SPTB: variants seen among roughly 807,000 people sequenced by gnomAD.
The protein encoded by SPTB is spectrin beta, erythrocytic.
Under a neutral mutation model 256.2 loss-of-function variants are expected in SPTB, and 45 were observed. That is an observed-to-expected ratio of 0.18 (90% CI 0.14 to 0.23). SPTB has a LOEUF of 0.23. Ranked by LOEUF, SPTB falls within the 10% of genes least tolerant of loss-of-function variation. The probability of loss-of-function intolerance (pLI) is 1.00; values close to 1 mark genes in which losing one functional copy is unlikely to be tolerated. For synonymous variants in SPTB, 1,231 were observed against 1,243.1 expected, an observed-to-expected ratio of 0.99 and a Z score of 0.21; for missense variants, 2,715 against 3,040.4, an observed-to-expected ratio of 0.89 and a Z score of 2.52.
Position 64,785,795 on chromosome 14 carries a change from G to T in SPTB, c.3718C>A (p.Leu1240Ile), listed in dbSNP as rs1445784766. The T allele has an allele frequency of 6.2e-7, 1 of 1,614,080 alleles. No homozygotes were observed. Among genetic ancestry groups the T allele is most frequent in the Non-Finnish European group, 8.5e-7 (1 of 1,180,016 alleles). ...TTCTCCTTGATCTTGTCTGAGTATA[G>T]GTTTCCCTCAGCTACCAGCTTGTTT... ...SGNKLVAEGN[L>I]YSDKIKEKVQ... The change falls in exon 17 of 36, where the codon CTA becomes ATA. Residue 1240 changes from leucine to isoleucine, a missense_variant. By Grantham distance (5) the Leu-to-Ile change is conservative. Coordinates refer to ENST00000644917, the MANE Select transcript of SPTB (RefSeq NM_001355436.2). This position sits in a 1 kb window ranked among gnomAD's most constrained non-coding sequence, Gnocchi z 4.4.
intron 33 of SPTB, 142 bp from the exon 34 acceptor site, chr14:64,750,296 G>T: frequency 4.7e-6 from 4 of 854,400 alleles, no homozygotes; most frequent in South Asian, 2.4e-5. Context: ...AAAATCATCT[G>T]CATGTAATTT....
intron 10 of SPTB, among the ~76,000 whole-genome samples, chr14:64,797,522 A>T (rs181105004): frequency 1.4e-5 from 2 of 140,640 alleles, no homozygotes; most frequent in Non-Finnish European, 3.0e-5. Context: ...GATGCAGGGC[A>T]TCTGAACAGG....
intron 1 of SPTB, among the ~76,000 whole-genome samples, chr14:64,857,299 C>T (rs982632930): frequency 1.3e-5 from 2 of 152,026 alleles, no homozygotes; most frequent in East Asian, 1.9e-4. Flanking sequence ...AAAACAATCC[C>T]GGGCCGGACA....
Position 64,778,115 on chromosome 14 carries a change from C to T in SPTB, c.4563+1042G>A. On this transcript the variant is annotated intron_variant, in intron 22 of 35. Transcript: ENST00000644917. This position sits in a 1 kb window ranked among gnomAD's most constrained non-coding sequence, Gnocchi z 5.2. ...AGGCTAGATTTCTATCATCTTCTAG[C>T]CCAGGTCCCTGCGTGTGGCTGCTGG... Among the ~76,000 whole-genome samples, 1 of 152,182 alleles carries T rather than the reference C, an allele frequency of 6.6e-6. No homozygotes were observed.
At chr14:64,860,760 G>A (rs190943371) in intron 1 of SPTB, among the ~76,000 whole-genome samples, 29 of 152,222 alleles carry the variant, frequency 1.9e-4, no homozygotes, top group Non-Finnish European at 1.5e-5. Flanking sequence ...ATGCTTTTAC[G>A]ATGTTGGTGG....
Position 64,769,499 on chromosome 14 carries a change from G to A in SPTB, c.5937+91C>T, listed in dbSNP as rs1594755702. On this transcript the variant is annotated intron_variant, in intron 28 of 35. Transcript: ENST00000644917. ...GCAAGACAAGCTCCTCAGAAAAGCTGCAGCTCTCATCTCCCTCCCAGGAGG... is the reference window on the plus strand; with the variant it reads ...GCAAGACAAGCTCCTCAGAAAAGCTACAGCTCTCATCTCCCTCCCAGGAGG... 2.0e-6 allele frequency: 3 copies of A among 1,530,758 alleles called. No homozygotes were observed. The East Asian group carries it at 7.0e-5, about 36-fold the overall frequency. 94.8% of individuals were successfully genotyped at this position (1,530,758 alleles called of 1,614,324 possible).
intron 27 of SPTB, 139 bp from the exon 28 acceptor site, chr14:64,769,867 G>T: frequency 8.6e-7 from 1 of 1,156,268 alleles, no homozygotes; most frequent in Non-Finnish European, 1.3e-6. Flanking sequence ...CCAGCCAGGG[G>T]GTCCTCCGCC....
intron 1 of SPTB, among the ~76,000 whole-genome samples, chr14:64,877,217 A>G (rs1882867109): frequency 6.6e-6 from 1 of 152,084 alleles, no homozygotes; most frequent in African/African-American, 2.4e-5. Context: ...TGAAACAATG[A>G]CCTGAAAATA....
chr14:64,800,909 G>T, intron 7 of SPTB, 41 bp from the exon 8 acceptor site: 2 of 1,522,024 alleles, frequency 1.3e-6, no homozygotes, highest in African/African-American at 1.4e-5. Context: ...CAAACTGGAA[G>T]TCGGGAAAGT....
At chr14:64,776,353 GTC>G (rs1485649095) in intron 22 of SPTB, among the ~76,000 whole-genome samples, 1 of 152,132 alleles carries the variant, frequency 6.6e-6, no homozygotes, top group Non-Finnish European at 1.5e-5. Context: ...ATTTCCTATA[GTC>G]TCTGCAGTTG....
chr14:64,769,631 C>T lies in SPTB; in HGVS notation c.5896G>A (p.Gly1966Ser), dbSNP rs143489400. 20 of 1,614,120 alleles carry T rather than the reference C, an allele frequency of 1.2e-5. No individual in the cohort carries two copies. In the East Asian group the frequency reaches 4.5e-4, roughly 36 times the overall value. Residue 1966 changes from glycine (G) to serine (S), a missense_variant, in exon 28 of 36, where the codon GGC becomes AGC. Gly to Ser is a moderately conservative substitution (Grantham distance 56). Transcript: ENST00000644917. Reference protein sequence around the residue: ...SKNFSACLELGESLLQRQHQA... With the variant: ...SKNFSACLELSESLLQRQHQA... ...TGCTGCCGCTGCAGCAGGGACTCGC[C>T]AAGCTCCAGGCAGGCACTGAAGTTC...
chr14:64,838,293 T>C (rs1026238624), intron 1 of SPTB, among the ~76,000 whole-genome samples: 1 of 150,910 alleles, frequency 6.6e-6, no homozygotes, highest in Admixed American at 6.6e-5. Context: ...ATATAAAACC[T>C]ACAGCCATAA....
Position 64,749,688 on chromosome 14 carries a change from T to C in SPTB, c.6785A>G (p.Asn2262Ser). The C allele has an allele frequency of 1.2e-6, 2 of 1,613,794 alleles. No homozygotes were observed. Among genetic ancestry groups the C allele is most frequent in the Non-Finnish European group, 1.7e-6 (2 of 1,179,930 alleles). The change falls in exon 35 of 36, where the codon AAT becomes AGT. Residue 2262 changes from asparagine to serine, a missense_variant. Coordinates refer to ENST00000644917, the MANE Select transcript of SPTB (RefSeq NM_001355436.2). This position sits in a 1 kb window ranked among gnomAD's most constrained non-coding sequence, Gnocchi z 4.7. ...KKHVFKLRLSNGSEWLFHGKD... is the reference protein window; with the variant it reads ...KKHVFKLRLSSGSEWLFHGKD... ...GCCATGGAAGAGCCACTCGCTGCCA[T>C]TACTCAGCCTAGGAGGACAAAGGGT... is the stretch of plus-strand genomic sequence containing the variant.
Position 64,827,735 on chromosome 14 carries a change from T to A in SPTB, c.-51-4590A>T, listed in dbSNP as rs2083396331. On this transcript the variant is annotated intron_variant, in intron 1 of 35. Coordinates refer to ENST00000644917, the MANE Select transcript of SPTB (RefSeq NM_001355436.2). This position sits in a 1 kb window ranked among gnomAD's most constrained non-coding sequence, Gnocchi z 4.6. ...GCAGAATACTTACTCTAAATCTATC[T>A]GCAGCCCTAACCTCCTCCCTACTCT... 6.6e-6 allele frequency among the ~76,000 whole-genome samples: 1 copy of A among 152,228 alleles called. No homozygotes were observed. The highest frequency in any genetic ancestry group is 1.5e-5 in the Non-Finnish European group (1 of 68,042).
Position 64,827,847 on chromosome 14 carries a change from A to G in SPTB, c.-51-4702T>C, listed in dbSNP as rs1392127954. Among the ~76,000 whole-genome samples, 2 of 152,276 alleles carry G rather than the reference A, an allele frequency of 1.3e-5. No individual in the cohort carries two copies. Among genetic ancestry groups the G allele is most frequent in the African/African-American group, 4.8e-5 (2 of 41,550 alleles). ...AGTCTCAATATGGCTAAGACTGAGC[A>G]TGGGGCTACCAGGACAGCAGAACCA... On this transcript the variant is annotated intron_variant, in intron 1 of 35. Coordinates refer to ENST00000644917, the MANE Select transcript of SPTB (RefSeq NM_001355436.2). This position sits in a 1 kb window ranked among gnomAD's most constrained non-coding sequence, Gnocchi z 4.6.
In SPTB at chr14:64,822,918, C is replaced by T. The variant is rs372575997; in HGVS notation, c.148+29G>A. 1.9e-6 allele frequency: 3 copies of T among 1,612,398 alleles called. No homozygotes were observed. In the African/African-American group the frequency reaches 4.0e-5, roughly 22 times the overall value. Reference sequence around the variant, plus strand: ...GTGAACCTTGTGACTGTGAGAATGCCCTCCAACCCTTGTGGCCCCAAACAG... The same window carrying T: ...GTGAACCTTGTGACTGTGAGAATGCTCTCCAACCCTTGTGGCCCCAAACAG... On this transcript the variant is annotated intron_variant, in intron 2 of 35. Transcript: ENST00000644917.
rs113738515 is a variant in SPTB at position 64,778,761 on chromosome 14, G to A, written c.4563+396C>T. On this transcript the variant is annotated intron_variant, in intron 22 of 35. Transcript: ENST00000644917. The surrounding 1 kb of genome is among the most constrained non-coding windows in gnomAD (Gnocchi z 5.2). Reference sequence around the variant, plus strand: ...ACATGCCAAGCTCAGCCCTGGAAGAGGGGCAAGGCAGTGTTGTGGGAGAGA... The same window carrying A: ...ACATGCCAAGCTCAGCCCTGGAAGAAGGGCAAGGCAGTGTTGTGGGAGAGA... Among the ~76,000 whole-genome samples, 1,059 of 152,254 alleles carry A rather than the reference G, an allele frequency of 7.0e-3. 4 individuals carry two copies. Among genetic ancestry groups the A allele is most frequent in the South Asian group, 0.029 (142 of 4,820 alleles).
Position 64,841,756 on chromosome 14 carries a change from T to TATATA in SPTB, c.-51-18612_-51-18611insTATAT, listed in dbSNP as rs1555375959. On this transcript the variant is annotated intron_variant, in intron 1 of 35. Coordinates refer to ENST00000644917, the MANE Select transcript of SPTB (RefSeq NM_001355436.2). The surrounding 1 kb of genome is among the most constrained non-coding windows in gnomAD (Gnocchi z 4.6). ...CTGACATCCCATATATATATATATA[T>TATATA]TTTTTAAGGGTCTTTCTTTAACACA... Among the ~76,000 whole-genome samples the TATATA allele has an allele frequency of 6.6e-6, 1 of 151,646 alleles. No homozygotes were observed. The highest frequency in any genetic ancestry group is 2.4e-5 in the African/African-American group (1 of 41,080).
rs2082755919 is a variant in SPTB at position 64,795,686 on chromosome 14, G to A, written c.1342-47C>T. On this transcript the variant is annotated intron_variant, in intron 11 of 35. Transcript: ENST00000644917. The surrounding 1 kb of genome is among the most constrained non-coding windows in gnomAD (Gnocchi z 6.5). ...AGGCAGCTCAGTCAGACACCCAGGG[G>A]CTCATCCCCAAACTCAGGGACAGGG... is the stretch of plus-strand genomic sequence containing the variant. The A allele has an allele frequency of 3.7e-6, 6 of 1,601,172 alleles. No individual in the cohort carries two copies. The highest frequency in any genetic ancestry group is 4.3e-6 in the Non-Finnish European group (5 of 1,170,650).
Sources: allele counts gnomAD v4.1 joint callset (sites outside exome capture counted in the v4.1 genomes callset), GRCh38; gene constraint gnomAD v4.1.1; non-coding constraint Gnocchi (gnomAD v3.1); transcripts MANE v1.5; gene names NCBI Gene and HGNC (gene_info 2026-07-23, HGNC 2026-07-21).